The following PTPN9 variants were observed in gnomAD, a reference collection of about 807,000 sequenced individuals.
PTPN9 encodes the protein protein tyrosine phosphatase non-receptor type 9.
PTPN9 carries 26 observed loss-of-function variants against 69.8 expected under a neutral mutation model. The ratio of observed to expected loss-of-function variants is 0.37; its 90% CI spans 0.27 to 0.52. PTPN9 has a LOEUF of 0.52. PTPN9 is among the 20% of genes least tolerant of loss of function. The pLI is 0.91. For missense variants in PTPN9, 549 were observed against 740.3 expected (o/e 0.74, Z 3.00); for synonymous variants, 274 against 272.5 (o/e 1.01, Z -0.05).
In PTPN9 at chr15:75,527,211, A is replaced by T. The variant is rs920493765; in HGVS notation, c.114T>A (p.Asn38Lys). 1 of 1,614,168 alleles carries T rather than the reference A, an allele frequency of 6.2e-7. No homozygotes were observed. Among genetic ancestry groups the T allele is most frequent in the Non-Finnish European group, 8.5e-7 (1 of 1,180,006 alleles). Residue 38 changes from asparagine to lysine, a missense_variant, in exon 2 of 13, where the codon AAT (asparagine) becomes AAA (lysine). Asn to Lys is a moderately conservative substitution (Grantham distance 94). This residue lies in a region of PTPN9 where 62 missense variants were observed against 53.6 expected (regional missense o/e 1.16). Coordinates refer to ENST00000618819, the MANE Select transcript of PTPN9 (RefSeq NM_002833.4). ...EEINKWTVQY[N>K]VSPLSWNVAV... Reference sequence around the variant, plus strand: ...CCACATTCCAAGACAGCGGGGAAACATTGTACTGAACTGTCCACTTGTTAA... The same window carrying T: ...CCACATTCCAAGACAGCGGGGAAACTTTGTACTGAACTGTCCACTTGTTAA...
At chr15:75,520,474 ATAGATAGATG>A (rs1299905948) in intron 4 of PTPN9, among the ~76,000 whole-genome samples, 3 of 141,540 alleles carry the variant, frequency 2.1e-5, no homozygotes, top group Admixed American at 7.0e-5. Context: ...AGATAGATAG[ATAGATAGATG>A]TGTGTGTGTT....
chr15:75,532,633 T>C (rs2074968466), intron 1 of PTPN9, among the ~76,000 whole-genome samples: 1 of 152,194 alleles, frequency 6.6e-6, no homozygotes, highest in African/African-American at 2.4e-5. Flanking sequence ...ACAGGAACAA[T>C]TCCTCCTGGT....
At chr15:75,470,515 T>C (rs866589701) in intron 11 of PTPN9, among the ~76,000 whole-genome samples, 165 bp downstream of exon 11, 1 of 152,214 alleles carries the variant, frequency 6.6e-6, no homozygotes, top group South Asian at 2.1e-4. Flanking sequence ...GCTGCAGTAA[T>C]ATGGCTATAT....
chr15:75,576,277 A>T (rs2075172744), intron 1 of PTPN9, among the ~76,000 whole-genome samples: 1 of 152,078 alleles, frequency 6.6e-6, no homozygotes, highest in South Asian at 2.1e-4. Flanking sequence ...CACACCTGTG[A>T]TCCCAACACT....
rs549869765 is a variant in PTPN9, at chr15:75,534,499, C to A, written c.64-7238G>T. Among the ~76,000 whole-genome samples the A allele has an allele frequency of 3.9e-3, 593 of 151,994 alleles. 7 individuals are homozygous for A. The highest frequency in any genetic ancestry group is 0.014 in the African/African-American group (561 of 41,448). ...GACCAGCCTGGGCAACATGGTGAGACCCCATCTCTACAAAAAAATTTAAAA... is the reference window on the plus strand; with the variant it reads ...GACCAGCCTGGGCAACATGGTGAGAACCCATCTCTACAAAAAAATTTAAAA... On this transcript the variant is annotated intron_variant, in intron 1 of 12. Transcript: ENST00000618819.
In PTPN9 at chr15:75,578,749, C is replaced by A. The variant is rs553966465; in HGVS notation, c.28G>T (p.Asp10Tyr). MEPATAPRP[D>Y]MAPELTPEEE... ...TCCGGGGTCAGCTCCGGCGCCATGT[C>A]GGGCCGGGGCGCGGTCGCGGGCTCC... Residue 10 changes from aspartate to tyrosine, a missense_variant, in exon 1 of 13, where the codon GAC (aspartate) becomes TAC (tyrosine). Physicochemically the swap from Asp to Tyr is radical, Grantham distance 160. Coordinates refer to ENST00000618819, the MANE Select transcript of PTPN9 (RefSeq NM_002833.4). The A allele has an allele frequency of 3.4e-5, 44 of 1,299,930 alleles. No individual in the cohort carries two copies. In the East Asian group the frequency reaches 1.0e-3, roughly 30 times the overall value. The allele number at this position is 1,299,930 out of a possible 1,614,324, so 80.5% of individuals were successfully genotyped here. A position where few individuals can be genotyped will look rare whatever the true frequency, so the allele number is the denominator to read the frequency against.
intron 1 of PTPN9, among the ~76,000 whole-genome samples, chr15:75,563,232 A>G (rs1379124229): frequency 6.6e-6 from 1 of 152,018 alleles, no homozygotes; most frequent in African/African-American, 2.4e-5. Context: ...TCTGCTGCCC[A>G]GTCTAGAGTG....
intron 3 of PTPN9, 92 bp from the exon 4 acceptor site, chr15:75,523,337 T>C (rs1429306039): frequency 2.2e-6 from 3 of 1,371,494 alleles, no homozygotes; most frequent in African/African-American, 2.9e-5. Context: ...GTTTGATACA[T>C]GTAGAAAACA....
Position 75,464,385 on chromosome 15 carries a change from G to C in PTPN9, c.*4384C>G, listed in dbSNP as rs1235261867. ...CCACTCCCCTCTAACCTAGGCAACA[G>C]AGTGAGACTCTGTCTCTGAAAGTAA... On this transcript the variant is annotated 3_prime_UTR_variant, in exon 13 of 13. Coordinates refer to ENST00000618819, the MANE Select transcript of PTPN9 (RefSeq NM_002833.4). 3.3e-5 allele frequency: 5 copies of C among 152,116 alleles called. No homozygotes were observed. Among genetic ancestry groups the C allele is most frequent in the African/African-American group, 1.2e-4 (5 of 41,418 alleles). 9.4% of individuals were successfully genotyped at this position (152,116 alleles called of 1,614,324 possible). A position where few individuals can be genotyped will look rare whatever the true frequency, so the allele number is the denominator to read the frequency against.
intron 5 of PTPN9, among the ~76,000 whole-genome samples, chr15:75,511,569 C>T (rs1245630242): frequency 6.6e-6 from 1 of 152,122 alleles, no homozygotes; most frequent in Non-Finnish European, 1.5e-5. Flanking sequence ...AGACTTTAAC[C>T]TATCTGAAGT....
At chr15:75,508,821 G>T in intron 6 of PTPN9, 96 bp downstream of exon 6, 1 of 874,718 alleles carries the variant, frequency 1.1e-6, no homozygotes. Flanking sequence ...GGCTCTAGAA[G>T]ACACGCCAGG....
rs1274051912 is a variant in PTPN9, at chr15:75,465,510, T to C, written c.*3259A>G. ...TCTGCCTTCCCTTTCCTTTACCTCCTCCTTTAACACCTAACACAGGTAGGT... is the reference window on the plus strand; with the variant it reads ...TCTGCCTTCCCTTTCCTTTACCTCCCCCTTTAACACCTAACACAGGTAGGT... On this transcript the variant is annotated 3_prime_UTR_variant, in exon 13 of 13. Transcript: ENST00000618819. 6.6e-6 allele frequency: 1 copy of C among 152,176 alleles called. No individual in the cohort carries two copies. Among genetic ancestry groups the C allele is most frequent in the Non-Finnish European group, 1.5e-5 (1 of 68,040 alleles). 9.4% of individuals were successfully genotyped at this position (152,176 alleles called of 1,614,324 possible). A position where few individuals can be genotyped will look rare whatever the true frequency, so the allele number is the denominator to read the frequency against.
chr15:75,468,694 G>A lies in PTPN9; in HGVS notation c.*75C>T. 7.4e-7 allele frequency: 1 copy of A among 1,348,436 alleles called. No homozygotes were observed. Among genetic ancestry groups the A allele is most frequent in the Non-Finnish European group, 1.0e-6 (1 of 964,674 alleles). 83.5% of individuals were successfully genotyped at this position (1,348,436 alleles called of 1,614,324 possible). ...GATCCATGGCTTCAGCGTAACTGAT[G>A]GCAACCTATAGGCTCAGCGGTGTCC... On this transcript the variant is annotated 3_prime_UTR_variant, in exon 13 of 13. Transcript: ENST00000618819.
chr15:75,568,174 T>A (rs971173736), intron 1 of PTPN9, among the ~76,000 whole-genome samples: 3 of 151,876 alleles, frequency 2.0e-5, no homozygotes. Context: ...TGCCTCCTGT[T>A]CGCACCCTCC....
At chr15:75,481,981 G>T (rs2074638884) in intron 8 of PTPN9, among the ~76,000 whole-genome samples, 1 of 146,064 alleles carries the variant, frequency 6.8e-6, no homozygotes, top group Admixed American at 6.8e-5. Flanking sequence ...TTGAGAACGG[G>T]CCAGGATGAC....
chr15:75,480,536 T>C (rs2074623765), intron 8 of PTPN9: 2 of 370,776 alleles, frequency 5.4e-6, no homozygotes, highest in Middle Eastern at 8.7e-4. Context: ...CTGGGGTCGG[T>C]GGCTTAGGGA....
intron 1 of PTPN9, among the ~76,000 whole-genome samples, chr15:75,559,151 G>A (rs568468782): frequency 5.5e-4 from 83 of 151,422 alleles, no homozygotes; most frequent in Admixed American, 1.1e-3. Context: ...GCCCCGTCTG[G>A]GATGTGAGGA....
intron 5 of PTPN9, among the ~76,000 whole-genome samples, chr15:75,515,526 GGGAGGCCAA>G (rs1157820854): frequency 1.3e-5 from 2 of 151,952 alleles, no homozygotes; most frequent in African/African-American, 4.8e-5. Context: ...CCAACACTTT[GGGAGGCCAA>G]GGAGGCGGTA....
rs2141349511 is a variant in PTPN9 at position 75,578,780 on chromosome 15, C to T, written c.-4G>A. 8.1e-7 allele frequency: 1 copy of T among 1,241,872 alleles called. No individual in the cohort carries two copies. The highest frequency in any genetic ancestry group is 1.0e-6 in the Non-Finnish European group (1 of 993,618). 76.9% of individuals were successfully genotyped at this position (1,241,872 alleles called of 1,614,324 possible). On this transcript the variant is annotated 5_prime_UTR_variant, in exon 1 of 13. Transcript: ENST00000618819. Reference sequence around the variant, plus strand: ...GGGGCGCGGTCGCGGGCTCCATCCCCCCGCCACCGCCGCCGGGCGGACAAA... The same window carrying T: ...GGGGCGCGGTCGCGGGCTCCATCCCTCCGCCACCGCCGCCGGGCGGACAAA...
Sources: gnomAD v4.1 joint callset for allele counts (sites outside exome capture counted in the v4.1 genomes callset) on GRCh38, gnomAD v4.1.1 for gene constraint, gnomAD v4.1.1 regional missense constraint, MANE v1.5 for transcripts, NCBI Gene and HGNC (gene_info 2026-07-23, HGNC 2026-07-21) for gene names.